Variants in NYAP2 observed in about 807,000 individuals in gnomAD.
NYAP2 encodes neuronal tyrosine-phosphorylated phosphoinositide-3-kinase adaptor 2.
In NYAP2, 23 loss-of-function variants were observed where a neutral mutation model predicts 50.4. The observed-to-expected ratio is 0.46, with a 90% CI of 0.33 to 0.65. NYAP2 has a LOEUF of 0.65. Among genes scored for constraint, NYAP2 ranks in the 30% least tolerant of loss-of-function variants. The pLI, the probability that NYAP2 is intolerant of heterozygous loss-of-function variation, is 0.02. For synonymous variants in NYAP2, 394 were observed against 365.2 expected, an observed-to-expected ratio of 1.08 and a Z score of -0.90; for missense variants, 885 against 861.0, an observed-to-expected ratio of 1.03 and a Z score of -0.35.
intron 4 of NYAP2, among the ~76,000 whole-genome samples, chr2:225,567,816 A>G (rs1048786021): frequency 6.6e-6 from 1 of 152,140 alleles, no homozygotes; most frequent in South Asian, 2.1e-4. Flanking sequence ...AGTGAAGGGC[A>G]TATGAAGAAG....
At chr2:225,670,967 C>T in the NYAP2 span, among the ~76,000 whole-genome samples, 248 of 152,192 alleles carry the variant, frequency 1.6e-3, 6 homozygotes, top group Non-Finnish European at 1.7e-3. Context: ...AAAATGCTAA[C>T]GATCATCTGA....
chr2:225,547,135 T>C (rs1691599154), intron 4 of NYAP2, among the ~76,000 whole-genome samples: 2 of 152,282 alleles, frequency 1.3e-5, no homozygotes, highest in Admixed American at 6.5e-5. Context: ...TTTGTTGCCG[T>C]AAGCTGCACT....
chr2:225,643,062 T>G (rs1408406931), intron 6 of NYAP2, among the ~76,000 whole-genome samples: 1 of 152,164 alleles, frequency 6.6e-6, no homozygotes, highest in African/African-American at 2.4e-5. Context: ...AACTAGCTCA[T>G]GATTAATCAA....
chr2:225,532,546 C>A (rs1691275897), intron 4 of NYAP2, among the ~76,000 whole-genome samples: 1 of 152,196 alleles, frequency 6.6e-6, no homozygotes, highest in South Asian at 2.1e-4. Context: ...TCTCTGCTTT[C>A]TGACAACTTT....
At chr2:225,550,119 A>G (rs1273882115) in intron 4 of NYAP2, among the ~76,000 whole-genome samples, 1 of 152,228 alleles carries the variant, frequency 6.6e-6, no homozygotes, top group East Asian at 1.9e-4. Flanking sequence ...TCAGCAAGTC[A>G]GAAGGAAAAC....
chr2:225,527,444 G>T (rs1392756041), intron 4 of NYAP2, among the ~76,000 whole-genome samples: 6 of 152,112 alleles, frequency 3.9e-5, no homozygotes, highest in African/African-American at 1.4e-4. Flanking sequence ...CTCATCTGAG[G>T]CTCAGAGTTC....
chr2:225,499,779 T>C (rs531196180), intron 3 of NYAP2, among the ~76,000 whole-genome samples: 61 of 152,244 alleles, frequency 4.0e-4, no homozygotes, highest in Non-Finnish European at 6.6e-4. Flanking sequence ...ACAAAAGAGA[T>C]GCTCAATAGA....
the NYAP2 span, among the ~76,000 whole-genome samples, chr2:225,659,758 GATTA>G: frequency 6.6e-6 from 1 of 152,200 alleles, no homozygotes; most frequent in Non-Finnish European, 1.5e-5. Context: ...TGTTGTTGAG[GATTA>G]ATGAGATAAC....
chr2:225,687,148 T>C, the NYAP2 span, among the ~76,000 whole-genome samples: 2 of 152,198 alleles, frequency 1.3e-5, no homozygotes, highest in African/African-American at 4.8e-5. Context: ...TGTCTTCTAT[T>C]AGGCATGTGA....
chr2:225,605,868 G>A (rs1692776120), intron 5 of NYAP2, among the ~76,000 whole-genome samples: 1 of 151,928 alleles, frequency 6.6e-6, no homozygotes, highest in Admixed American at 6.6e-5. Flanking sequence ...TTTTAAATTA[G>A]GGAAAACAGT....
chr2:225,539,716 T>C (rs1691423636), intron 4 of NYAP2, among the ~76,000 whole-genome samples: 1 of 152,172 alleles, frequency 6.6e-6, no homozygotes. Flanking sequence ...TCTGATAAAT[T>C]TGTGAAGTTC....
rs547225370 is a variant in NYAP2, at chr2:225,488,268, T to G, written c.222-25103T>G. 6.2e-4 allele frequency among the ~76,000 whole-genome samples: 94 copies of G among 152,288 alleles called. No individual in the cohort carries two copies. In the South Asian group the frequency reaches 0.01, roughly 16 times the overall value. On this transcript the variant is annotated intron_variant, in intron 3 of 6. Transcript: ENST00000636099. ...AGGAAAAGAATGATAATCCTTAACC[T>G]TTAAAAATAAAATAAAACAGATTTT...
chr2:225,514,990 G>A (rs1055286020), intron 4 of NYAP2, among the ~76,000 whole-genome samples: 3 of 152,120 alleles, frequency 2.0e-5, no homozygotes, highest in African/African-American at 7.2e-5. Context: ...GATTCTCATA[G>A]GCAGTCCATG....
intron 5 of NYAP2, among the ~76,000 whole-genome samples, chr2:225,598,826 G>C (rs931151195): frequency 1.3e-5 from 2 of 152,128 alleles, no homozygotes; most frequent in Non-Finnish European, 2.9e-5. Flanking sequence ...ATTAAGCAGA[G>C]GTTTGTTTTG....
At chr2:225,622,191 C>T (rs528376841) in intron 5 of NYAP2, among the ~76,000 whole-genome samples, 17 of 152,244 alleles carry the variant, frequency 1.1e-4, no homozygotes, top group African/African-American at 3.9e-4. Context: ...CACCACCATG[C>T]CCAGCTAATT....
chr2:225,661,278 A>G, the NYAP2 span, among the ~76,000 whole-genome samples: 2 of 152,210 alleles, frequency 1.3e-5, no homozygotes, highest in African/African-American at 2.4e-5. Context: ...CTTCATTCAG[A>G]ATAATAAATA....
At chr2:225,437,077 C>CAT (rs368025746) in intron 3 of NYAP2, among the ~76,000 whole-genome samples, 2,480 of 149,132 alleles carry the variant, frequency 0.017, 46 homozygotes, top group Middle Eastern at 0.059. Context: ...TTCATCAAAT[C>CAT]ATATATATAT....
intron 5 of NYAP2, among the ~76,000 whole-genome samples, chr2:225,601,342 A>G (rs1208078971): frequency 2.0e-5 from 3 of 151,924 alleles, no homozygotes; most frequent in African/African-American, 7.3e-5. Flanking sequence ...AATGGTCTCG[A>G]TCTCTTGACC....
At chr2:225,657,494 T>C (rs950946302), downstream of NYAP2, among the ~76,000 whole-genome samples, 2 of 151,338 alleles carry the variant, frequency 1.3e-5, no homozygotes, top group Non-Finnish European at 2.9e-5. Flanking sequence ...CCTCATTTAA[T>C]TTGTGCCTTC....
Sources: gnomAD v4.1 joint callset for allele counts (sites outside exome capture counted in the v4.1 genomes callset) on GRCh38, gnomAD v4.1.1 for gene constraint, MANE v1.5 for transcripts, NCBI Gene and HGNC (gene_info 2026-07-23, HGNC 2026-07-21) for gene names.